Variants in TJP2 observed in about 807,000 individuals in gnomAD.
TJP2 encodes the protein Friedreich ataxia region gene X104 (tight junction protein ZO-2).
In TJP2, 91 loss-of-function variants were observed where a neutral mutation model predicts 133.1. The observed-to-expected ratio is 0.68, with a 90% CI of 0.58 to 0.81. The LOEUF (loss-of-function observed/expected upper bound fraction) is 0.81, where lower values mean the gene tolerates loss of function less well. TJP2 is among the 40% of genes least tolerant of loss of function. TJP2 has a pLI of 0.00. For missense variants in TJP2, 1,541 were observed against 1,565.6 expected, an observed-to-expected ratio of 0.98 and a Z score of 0.26; for synonymous variants, 592 against 583.4, an observed-to-expected ratio of 1.01 and a Z score of -0.21.
chr9:69,246,496 T>G, intron 17 of TJP2, 194 bp from the exon 18 acceptor site: 1 of 610,392 alleles, frequency 1.6e-6, no homozygotes, highest in Non-Finnish European at 3.0e-6. Context: ...TAATGTGAAC[T>G]CAAACAGCTA....
At chr9:69,247,646 G>A (rs1421277793) in intron 18 of TJP2, among the ~76,000 whole-genome samples, 4 of 152,150 alleles carry the variant, frequency 2.6e-5, no homozygotes, top group Admixed American at 1.3e-4. Flanking sequence ...TGTGAGTGTA[G>A]CACAAGGCAG....
At chr9:69,225,543 A>G (rs535204604) in intron 6 of TJP2, 136 bp downstream of exon 6, 4 of 681,914 alleles carry the variant, frequency 5.9e-6, no homozygotes, top group East Asian at 5.5e-5. Flanking sequence ...GAGCAGCATA[A>G]TGAGACGATT....
intron 1 of TJP2, among the ~76,000 whole-genome samples, chr9:69,140,014 T>C (rs989168490): frequency 2.0e-5 from 3 of 152,164 alleles, no homozygotes; most frequent in African/African-American, 7.2e-5. Context: ...TAGATCAGTA[T>C]GGAACTCAAA....
At chr9:69,221,596 C>T (rs1166828522) in intron 5 of TJP2, 100 bp downstream of exon 5, 15 of 1,471,214 alleles carry the variant, frequency 1.0e-5, no homozygotes, top group African/African-American at 1.4e-5. Context: ...CTCTGTCATC[C>T]AGGCTGGAGG....
At chr9:69,228,812 C>T (rs139135153) in intron 9 of TJP2, among the ~76,000 whole-genome samples, 20 of 152,250 alleles carry the variant, frequency 1.3e-4, no homozygotes, top group Admixed American at 5.2e-4. Flanking sequence ...TTTCTCCCAT[C>T]CTTGATCCTG....
rs1587867005 is a variant in TJP2, at chr9:69,128,043, G to A, written c.-131+6318G>A. On this transcript the variant is annotated intron_variant, in intron 1 of 5. Transcript: ENST00000423935. ...TCCTCCTGTCTCGGCCTCCCAAAGT[G>A]CTAAGATTATAGGTGTGAGCCATCA... Among the ~76,000 whole-genome samples the A allele has an allele frequency of 6.6e-5, 5 of 75,392 alleles. 2 individuals carry two copies. In the South Asian group the frequency reaches 1.9e-3, roughly 28 times the overall value. 49.5% of individuals were successfully genotyped at this position (75,392 alleles called of 152,430 possible). A position where few individuals can be genotyped will look rare whatever the true frequency, so the allele number is the denominator to read the frequency against.
chr9:69,196,946 T>TACACAC (rs746386691), intron 1 of TJP2, among the ~76,000 whole-genome samples: 2,821 of 134,194 alleles, frequency 0.021, 108 homozygotes, highest in African/African-American at 0.07. Flanking sequence ...TGTGTGTGTG[T>TACACAC]ACACACACAC....
At chr9:69,248,359 C>A in intron 19 of TJP2, 135 bp downstream of exon 19, 1 of 1,447,832 alleles carries the variant, frequency 6.9e-7, no homozygotes, top group South Asian at 1.5e-5. Flanking sequence ...GGGAGTCTCT[C>A]GCTTTGAGTC....
chr9:69,198,434 G>T lies in TJP2; in HGVS notation c.61-14114G>T, dbSNP rs535977055. ...TGGGATTACAGGCGTGAGCCACCATGCCCGGCCACCTTTCTCAATTCTTTA... is the reference window on the plus strand; with the variant it reads ...TGGGATTACAGGCGTGAGCCACCATTCCCGGCCACCTTTCTCAATTCTTTA... On this transcript the variant is annotated intron_variant, in intron 1 of 22. Transcript: ENST00000377245. 3.3e-5 allele frequency among the ~76,000 whole-genome samples: 5 copies of T among 152,308 alleles called. No individual in the cohort carries two copies. The South Asian group carries it at 1.0e-3, about 32-fold the overall frequency.
At position 69,228,033 on chromosome 9, in the gene TJP2, C is replaced by A; in HGVS notation, c.1372C>A (p.Pro458Thr). ...RLSRMGATPT[P>T]FKSTGDIAGT... ...GTCCAGGATGGGTGCGACACCCACTCCCTTTAAGTCCACAGGGGATATTGC... is the reference window on the plus strand; with the variant it reads ...GTCCAGGATGGGTGCGACACCCACTACCTTTAAGTCCACAGGGGATATTGC... Residue 458 changes from proline to threonine, a missense_variant, in exon 9 of 23, where the codon CCC becomes ACC. Transcript: ENST00000377245. 1 of 1,614,044 alleles carries A rather than the reference C, an allele frequency of 6.2e-7. No individual in the cohort carries two copies. The highest frequency in any genetic ancestry group is 8.5e-7 in the Non-Finnish European group (1 of 1,179,982).
chr9:69,188,195 T>C (rs1017485261), intron 1 of TJP2, among the ~76,000 whole-genome samples: 8 of 152,196 alleles, frequency 5.3e-5, no homozygotes, highest in African/African-American at 1.9e-4. Context: ...TGGTTTGTTT[T>C]GCTGTAAGAC....
At chr9:69,154,281 G>A (rs11145477) in intron 2 of TJP2, among the ~76,000 whole-genome samples, 17,383 of 152,212 alleles carry the variant, frequency 0.11, 1,310 homozygotes, top group Non-Finnish European at 0.17. Flanking sequence ...GGATTTGCAA[G>A]TGCCGCTCAA....
At chr9:69,253,090 G>T in intron 22 of TJP2, 190 bp downstream of exon 22, 1 of 620,848 alleles carries the variant, frequency 1.6e-6, no homozygotes, top group Non-Finnish European at 2.9e-6. Context: ...AGCATAGTTT[G>T]CTTGTGTGCT....
chr9:69,205,346 T>C, intron 1 of TJP2: 2 of 1,502,224 alleles, frequency 1.3e-6, no homozygotes, highest in Non-Finnish European at 1.8e-6. Flanking sequence ...TGATTTGTGC[T>C]TCTGGCATCT....
intron 17 of TJP2, among the ~76,000 whole-genome samples, chr9:69,242,768 G>A (rs1830660345): frequency 6.6e-6 from 1 of 152,148 alleles, no homozygotes. Context: ...GTCCCTCTTA[G>A]CTTGACCAGG....
At chr9:69,191,231 G>A (rs115390069) in intron 1 of TJP2, among the ~76,000 whole-genome samples, 15,680 of 131,100 alleles carry the variant, frequency 0.12, 877 homozygotes, top group South Asian at 0.2. Flanking sequence ...GTTAGGTGGT[G>A]ACCAATAAAA....
At chr9:69,209,429 C>T (rs1048596236) in intron 1 of TJP2, among the ~76,000 whole-genome samples, 2 of 152,150 alleles carry the variant, frequency 1.3e-5, no homozygotes, top group Admixed American at 6.5e-5. Context: ...CCATCACGCC[C>T]GACCCGGTTT....
At chr9:69,169,912 G>A (rs562916121), upstream of TJP2, among the ~76,000 whole-genome samples, 3 of 152,136 alleles carry the variant, frequency 2.0e-5, no homozygotes, top group Non-Finnish European at 2.9e-5. Context: ...TGCAGTCATA[G>A]CTTACTGCAG....
At chr9:69,207,000 C>A (rs1193357682) in intron 1 of TJP2, among the ~76,000 whole-genome samples, 2 of 152,204 alleles carry the variant, frequency 1.3e-5, no homozygotes, top group African/African-American at 4.8e-5. Flanking sequence ...CAGACCATCA[C>A]CAAGACAAAA....
Sources: gnomAD v4.1 joint callset for allele counts (sites outside exome capture counted in the v4.1 genomes callset) on GRCh38, gnomAD v4.1.1 for gene constraint, MANE v1.5 for transcripts, NCBI Gene and HGNC (gene_info 2026-07-23, HGNC 2026-07-21) for gene names.